Variants in RFX8 observed in about 807,000 individuals in gnomAD.
RFX8 encodes DNA-binding protein RFX8.
In RFX8, 46 loss-of-function variants were observed where a neutral mutation model predicts 54.6. That is an observed-to-expected ratio of 0.84 (90% CI 0.67 to 1.08). RFX8 has a LOEUF of 1.08. Ranked by LOEUF, RFX8 falls within the 50% of genes least tolerant of loss-of-function variation. The probability of loss-of-function intolerance (pLI) is 0.00; values close to 1 mark genes in which losing one functional copy is unlikely to be tolerated. For synonymous variants in RFX8, 192 were observed against 209.5 expected (o/e 0.92, Z 0.72); for missense variants, 536 against 562.3 (o/e 0.95, Z 0.47).
intron 2 of RFX8, among the ~76,000 whole-genome samples, chr2:101,427,398 G>A (rs1165220672): frequency 6.6e-6 from 1 of 152,164 alleles, no homozygotes; most frequent in African/African-American, 2.4e-5. Context: ...AGAAGGATCC[G>A]GCCTGCCTTT....
At chr2:101,417,743 T>C (rs1686615718) in intron 5 of RFX8, 59 bp from the exon 6 acceptor site, 1 of 1,399,496 alleles carries the variant, frequency 7.1e-7, no homozygotes, top group Admixed American at 2.3e-5. Context: ...TGGCTGAAGC[T>C]TATGCATGCC....
At chr2:101,428,019 C>T (rs759091477) in intron 2 of RFX8, among the ~76,000 whole-genome samples, 1 of 150,918 alleles carries the variant, frequency 6.6e-6, no homozygotes, top group African/African-American at 2.4e-5. Context: ...CCCGGCTGAG[C>T]GTGGTGGCTC....
chr2:101,429,484 A>G (rs946277005), intron 2 of RFX8, among the ~76,000 whole-genome samples: 1 of 152,180 alleles, frequency 6.6e-6, no homozygotes, highest in African/African-American at 2.4e-5. Context: ...TTGGATTCAT[A>G]TAAGATAATG....
At position 101,417,550 on chromosome 2, in the gene RFX8, C is replaced by T. The variant is rs1037826399; in HGVS notation, c.486G>A (p.Gln162=). 1.3e-6 allele frequency: 2 copies of T among 1,548,686 alleles called. No individual in the cohort carries two copies. Among genetic ancestry groups the T allele is most frequent in the African/African-American group, 2.7e-5 (2 of 72,806 alleles). The change falls in exon 6 of 12, where the codon CAG becomes CAA. Residue 162 remains glutamine (Q), a synonymous_variant. Coordinates refer to ENST00000428343, the MANE Select transcript of RFX8 (RefSeq NM_001145664.2). ...GAAACCTACCTTTGAGTTTGGAGATCTGCAAGAGGGCTGGAACACCTTCCA... is the reference window on the plus strand; with the variant it reads ...GAAACCTACCTTTGAGTTTGGAGATTTGCAAGAGGGCTGGAACACCTTCCA... ...NALEGVPALL[Q]ISKLKEVTLF... is the part of the protein sequence containing the mutation.
chr2:101,444,299 G>T (rs1358288537), intron 2 of RFX8, among the ~76,000 whole-genome samples: 1 of 152,226 alleles, frequency 6.6e-6, no homozygotes, highest in African/African-American at 2.4e-5. Context: ...GACAAGAATA[G>T]CATGCAAAGG....
At position 101,414,790 on chromosome 2, in the gene RFX8, T is replaced by TA; in HGVS notation, c.561+63dup. 7 of 1,258,194 alleles carry TA rather than the reference T, an allele frequency of 5.6e-6. No homozygotes were observed. The South Asian group carries it at 9.0e-5, about 16-fold the overall frequency. The allele number at this position is 1,258,194 out of a possible 1,614,324, so 77.9% of individuals were successfully genotyped here. On this transcript the variant is annotated intron_variant, in intron 7 of 11. Transcript: ENST00000428343. The stretch of plus-strand genomic sequence containing the variant: ...CAACCACTCACTCTTAACAGGGACT[T>TA]AGAGCTTTCACCTCTTTTCAGGAAA...
At chr2:101,469,034 A>ATATATATGTATATATATATG (rs1689760646) in intron 1 of RFX8, among the ~76,000 whole-genome samples, 1 of 56,378 alleles carries the variant, frequency 1.8e-5, no homozygotes, top group African/African-American at 6.6e-5. Context: ...ATATATACGT[A>ATATATATGTATATATATATG]TATATATGTA....
At chr2:101,428,950 A>G (rs1464473326) in intron 2 of RFX8, 2 of 1,509,028 alleles carry the variant, frequency 1.3e-6, no homozygotes, top group African/African-American at 2.8e-5. Context: ...TTTGATTAAC[A>G]CTCACTGTTG....
At chr2:101,425,030 T>C (rs528784738) in intron 2 of RFX8, among the ~76,000 whole-genome samples, 55 of 64,588 alleles carry the variant, frequency 8.5e-4, no homozygotes, top group African/African-American at 2.6e-3. Context: ...AAAATAATAA[T>C]TTGAAACAGA....
At chr2:101,466,936 A>G (rs1231739565) in intron 1 of RFX8, 36 bp from the exon 2 acceptor site, 1 of 955,690 alleles carries the variant, frequency 1.0e-6, no homozygotes, top group East Asian at 2.6e-5. Flanking sequence ...GGAAATTGGC[A>G]TTTGTTTTTC....
At chr2:101,462,183 T>G (rs1689320339) in intron 2 of RFX8, among the ~76,000 whole-genome samples, 1 of 152,154 alleles carries the variant, frequency 6.6e-6, no homozygotes, top group African/African-American at 2.4e-5. Context: ...CCCAGCACTT[T>G]GGGAGGCGGA....
chr2:101,472,736 G>A (rs1690079840), intron 1 of RFX8, among the ~76,000 whole-genome samples: 1 of 152,158 alleles, frequency 6.6e-6, no homozygotes, highest in East Asian at 1.9e-4. Flanking sequence ...AGTTTATGAA[G>A]GCCCAGCGTG....
intron 2 of RFX8, among the ~76,000 whole-genome samples, chr2:101,435,577 C>G (rs868696612): frequency 2.6e-5 from 4 of 152,182 alleles, no homozygotes; most frequent in Non-Finnish European, 5.9e-5. Context: ...CATACACACA[C>G]ACATTCTCCA....
At chr2:101,403,817 A>C (rs976244496) in intron 10 of RFX8, among the ~76,000 whole-genome samples, 1 of 152,182 alleles carries the variant, frequency 6.6e-6, no homozygotes, top group African/African-American at 2.4e-5. Flanking sequence ...GACATATCAA[A>C]GGTTTTATTT....
intron 2 of RFX8, among the ~76,000 whole-genome samples, chr2:101,449,191 C>T (rs549851749): frequency 4.2e-5 from 6 of 143,312 alleles, no homozygotes; most frequent in East Asian, 2.0e-4. Flanking sequence ...AGGCAACACA[C>T]GGTTGGAAAG....
intron 2 of RFX8, among the ~76,000 whole-genome samples, chr2:101,454,051 C>T (rs1573464256): frequency 6.6e-6 from 1 of 151,606 alleles, no homozygotes; most frequent in Non-Finnish European, 1.5e-5. Context: ...CTGCCCCAGC[C>T]CCCCACCCCC....
chr2:101,421,543 C>T, intron 4 of RFX8, 181 bp downstream of exon 4: 3 of 1,313,438 alleles, frequency 2.3e-6, no homozygotes, highest in Non-Finnish European at 2.9e-6. Context: ...GAATATCGAT[C>T]TCACCTTCCA....
In RFX8 at chr2:101,474,689, G is replaced by A. The variant is rs933263666; in HGVS notation, c.-106C>T. The A allele has an allele frequency of 6.2e-6, 1 of 161,704 alleles. No homozygotes were observed. The highest frequency in any genetic ancestry group is 2.0e-4 in the South Asian group (1 of 4,902). 10.0% of individuals were successfully genotyped at this position (161,704 alleles called of 1,614,324 possible). A position where few individuals can be genotyped will look rare whatever the true frequency, so the allele number is the denominator to read the frequency against. ...GTCCGTGGGTGTCCTTGACTTGCTT[G>A]AGCGTTGGAGTTATTCAGGCAGTTT... On this transcript the variant is annotated 5_prime_UTR_variant, in exon 1 of 12. The change creates a premature stop within an existing upstream ORF in the 5' untranslated region. Transcript: ENST00000428343.
chr2:101,457,605 G>C (rs988919501), intron 2 of RFX8, among the ~76,000 whole-genome samples: 2 of 152,168 alleles, frequency 1.3e-5, no homozygotes, highest in African/African-American at 4.8e-5. Context: ...TTTTACATTT[G>C]CTGAGGAGTG....
Sources: gnomAD v4.1 joint callset for allele counts (sites outside exome capture counted in the v4.1 genomes callset) on GRCh38, gnomAD v4.1.1 for gene constraint, MANE v1.5 for transcripts, NCBI Gene and HGNC (gene_info 2026-07-23, HGNC 2026-07-21) for gene names.